Variants in DNAH3 observed in about 807,000 individuals in gnomAD.
DNAH3 encodes the protein dynein axonemal heavy chain 3, also known as axonemal beta dynein heavy chain 3.
A neutral mutation model predicts 432.5 loss-of-function variants in DNAH3; 332 were observed. The ratio of observed to expected loss-of-function variants is 0.77; its 90% CI spans 0.70 to 0.84. The LOEUF (loss-of-function observed/expected upper bound fraction) is 0.84. Ranked by LOEUF, DNAH3 falls within the 40% of genes least tolerant of loss-of-function variation. The pLI is 0.00. For missense variants in DNAH3, 4,861 were observed against 5,114.0 expected, an observed-to-expected ratio of 0.95 and a Z score of 1.51; for synonymous variants, 1,956 against 1,900.2, an observed-to-expected ratio of 1.03 and a Z score of -0.76.
At chr16:21,049,862 G>A in intron 30 of DNAH3, 48 bp downstream of exon 30, 1 of 1,499,454 alleles carries the variant, frequency 6.7e-7, no homozygotes, top group Non-Finnish European at 9.3e-7. Context: ...CAGGAGGGGT[G>A]CAGAGAGGGC....
In DNAH3 at chr16:21,038,558, C is replaced by T. The variant is rs145027414; in HGVS notation, c.4731-578G>A. ...CTGTAGACTCATTTTGGATTTTCAG[C>T]GAGTAAAAAATAAACTTTGTTATGG... On this transcript the variant is annotated intron_variant, in intron 33 of 61. Transcript: ENST00000261383. 3.2e-4 allele frequency among the ~76,000 whole-genome samples: 49 copies of T among 152,180 alleles called. No homozygotes were observed. In the South Asian group the frequency reaches 8.5e-3, roughly 26 times the overall value.
At chr16:21,012,743 G>A (rs571355318) in intron 41 of DNAH3, among the ~76,000 whole-genome samples, 1 of 152,162 alleles carries the variant, frequency 6.6e-6, no homozygotes, top group Non-Finnish European at 1.5e-5. Flanking sequence ...AATGCATCGT[G>A]GGCAATAAAA....
At chr16:21,034,124 G>C (rs200748734) in intron 35 of DNAH3, 39 bp from the exon 36 acceptor site, 1 of 1,352,078 alleles carries the variant, frequency 7.4e-7, no homozygotes, top group Non-Finnish European at 1.1e-6. Flanking sequence ...GCTAATCATT[G>C]CAACGCTCCC....
At chr16:20,994,727 T>C (rs1156943234) in intron 44 of DNAH3, among the ~76,000 whole-genome samples, 1 of 152,244 alleles carries the variant, frequency 6.6e-6, no homozygotes, top group Non-Finnish European at 1.5e-5. Flanking sequence ...GTACCTCGTA[T>C]AAGTGGAATC....
chr16:21,006,610 G>A lies in DNAH3; in HGVS notation c.6023-3403C>T, dbSNP rs111619189. 1.2e-4 allele frequency among the ~76,000 whole-genome samples: 19 copies of A among 152,082 alleles called. No homozygotes were observed. In the South Asian group the frequency reaches 2.7e-3, roughly 22 times the overall value. ...ATCTACTTTCTGTCTCTATAAATTC[G>A]CCTATTCTGCCTATATAAAGGGAAT... On this transcript the variant is annotated intron_variant, in intron 41 of 61. Coordinates refer to ENST00000261383, the Ensembl canonical transcript of DNAH3.
intron 33 of DNAH3, among the ~76,000 whole-genome samples, 176 bp from the exon 34 acceptor site, chr16:21,038,156 C>G (rs1001255029): frequency 1.3e-5 from 2 of 152,026 alleles, no homozygotes; most frequent in African/African-American, 2.4e-5. Flanking sequence ...GGTATGGAAG[C>G]ATGAAAAAAA....
Position 21,036,572 on chromosome 16 carries a change from G to A in DNAH3, c.5085+142C>T, listed in dbSNP as rs927215162. ...TGGGACTACAGGCATAGGCCATTAC[G>A]CCCAGCTAATGTTTTACTTGCATTT... On this transcript the variant is annotated intron_variant, in intron 35 of 61. Transcript: ENST00000261383. The A allele has an allele frequency of 6.5e-6, 5 of 772,498 alleles. No homozygotes were observed. In the Admixed American group the frequency reaches 7.9e-5, roughly 12 times the overall value. 47.9% of individuals were successfully genotyped at this position (772,498 alleles called of 1,614,324 possible). A position where few individuals can be genotyped will look rare whatever the true frequency, so the allele number is the denominator to read the frequency against.
At chr16:20,968,660 C>T (rs2085170630) in intron 52 of DNAH3, among the ~76,000 whole-genome samples, 3 of 151,586 alleles carry the variant, frequency 2.0e-5, no homozygotes, top group Admixed American at 6.6e-5. Context: ...CTTTCTCTTT[C>T]TTTGTTCATC....
intron 26 of DNAH3, among the ~76,000 whole-genome samples, chr16:21,059,024 T>A (rs947829309): frequency 6.6e-6 from 1 of 152,042 alleles, no homozygotes; most frequent in Admixed American, 6.6e-5. Context: ...TTTAAAAAAA[T>A]TTAAAAAAAA....
At chr16:21,155,617 G>A (rs920020616) in intron 1 of DNAH3, among the ~76,000 whole-genome samples, 15 of 84,624 alleles carry the variant, frequency 1.8e-4, no homozygotes, top group South Asian at 1.1e-3. Context: ...GCAAGACTCC[G>A]TCTCAAAAAA....
chr16:21,130,419 C>T (rs770023803), intron 7 of DNAH3, among the ~76,000 whole-genome samples: 4 of 151,830 alleles, frequency 2.6e-5, no homozygotes, highest in Non-Finnish European at 5.9e-5. Context: ...ATTCTCCTGC[C>T]TCAGCCTCCC....
intron 41 of DNAH3, among the ~76,000 whole-genome samples, chr16:21,017,070 G>C (rs1283709985): frequency 5.3e-5 from 8 of 152,138 alleles, no homozygotes; most frequent in Non-Finnish European, 8.8e-5. Flanking sequence ...AAACGTCCTG[G>C]AGATGGAGGG....
At chr16:21,007,060 A>G (rs371223646) in intron 41 of DNAH3, among the ~76,000 whole-genome samples, 1 of 152,136 alleles carries the variant, frequency 6.6e-6, no homozygotes, top group Non-Finnish European at 1.5e-5. Context: ...ATCTTCCTGC[A>G]TCCTCACCAA....
At chr16:20,937,229 A>G (rs1477345267) in intron 59 of DNAH3, among the ~76,000 whole-genome samples, 1 of 152,138 alleles carries the variant, frequency 6.6e-6, no homozygotes, top group Non-Finnish European at 1.5e-5. Context: ...ATCAGAGCTC[A>G]CTGCAGCCTC....
At chr16:20,951,194 A>T (rs745580082) in intron 56 of DNAH3, among the ~76,000 whole-genome samples, 1 of 152,066 alleles carries the variant, frequency 6.6e-6, no homozygotes, top group South Asian at 2.1e-4. Context: ...TTGCTGATTG[A>T]TTGCTTTAAT....
At chr16:21,049,764 G>T in intron 30 of DNAH3, 82 bp from the exon 31 acceptor site, 2 of 1,403,994 alleles carry the variant, frequency 1.4e-6, no homozygotes, top group Non-Finnish European at 2.0e-6. Flanking sequence ...ACAGCAGTGG[G>T]CTCCTCTCTC....
intron 59 of DNAH3, among the ~76,000 whole-genome samples, chr16:20,940,000 C>T (rs1436304417): frequency 1.3e-5 from 2 of 152,218 alleles, no homozygotes; most frequent in African/African-American, 4.8e-5. Context: ...GAATACAAGG[C>T]CAGAGATCCT....
chr16:21,096,210 T>C (rs913457370), intron 18 of DNAH3, among the ~76,000 whole-genome samples: 8 of 151,864 alleles, frequency 5.3e-5, no homozygotes, highest in Non-Finnish European at 1.2e-4. Flanking sequence ...CATAGCTTAC[T>C]GCAGCCTTGA....
chr16:21,125,883 A>C (rs1355079693), intron 8 of DNAH3, among the ~76,000 whole-genome samples: 1 of 152,250 alleles, frequency 6.6e-6, no homozygotes, highest in Non-Finnish European at 1.5e-5. Context: ...GTGGTGGCTC[A>C]TGCCTGTAAT....
Sources: allele counts gnomAD v4.1 joint callset (sites outside exome capture counted in the v4.1 genomes callset), GRCh38; gene constraint gnomAD v4.1.1; transcripts MANE v1.5; gene names NCBI Gene and HGNC (gene_info 2026-07-23, HGNC 2026-07-21).